KCNH1: variants seen among roughly 807,000 people sequenced by gnomAD.
KCNH1 encodes voltage-gated delayed rectifier potassium channel KCNH1.
A neutral mutation model predicts 69.2 loss-of-function variants in KCNH1; 27 were observed. That is an observed-to-expected ratio of 0.39 (90% CI 0.29 to 0.54). The LOEUF (loss-of-function observed/expected upper bound fraction) is 0.54. KCNH1 is among the 20% of genes least tolerant of loss of function. The probability of loss-of-function intolerance (pLI) is 0.68; values close to 1 mark genes in which losing one functional copy is unlikely to be tolerated. For synonymous variants in KCNH1, 456 were observed against 487.7 expected, an observed-to-expected ratio of 0.93 and a Z score of 0.86; for missense variants, 798 against 1,261.6, an observed-to-expected ratio of 0.63 and a Z score of 5.57.
intron 5 of KCNH1, among the ~76,000 whole-genome samples, chr1:211,024,623 T>C (rs549070782): frequency 1.3e-5 from 2 of 152,292 alleles, no homozygotes; most frequent in East Asian, 3.9e-4. Flanking sequence ...TGCATGTTTC[T>C]AAAAGATCAC....
chr1:211,129,899 T>A (rs1691846246), intron 1 of KCNH1, among the ~76,000 whole-genome samples: 1 of 152,244 alleles, frequency 6.6e-6, no homozygotes, highest in Admixed American at 6.5e-5. Context: ...CTCCTGCTAA[T>A]GTGCATGGAT....
chr1:211,078,657 G>A (rs1690783572), intron 5 of KCNH1, among the ~76,000 whole-genome samples: 1 of 152,112 alleles, frequency 6.6e-6, no homozygotes, highest in Admixed American at 6.6e-5. Flanking sequence ...ATGCCCACAA[G>A]AGGAAGCAGG....
chr1:210,887,052 A>C (rs1334207810), intron 7 of KCNH1, among the ~76,000 whole-genome samples: 1 of 152,112 alleles, frequency 6.6e-6, no homozygotes, highest in African/African-American at 2.4e-5. Flanking sequence ...GAGAACACCA[A>C]AAACATACTC....
At chr1:210,918,097 A>C (rs1687384871) in intron 7 of KCNH1, among the ~76,000 whole-genome samples, 1 of 152,194 alleles carries the variant, frequency 6.6e-6, no homozygotes, top group Admixed American at 6.5e-5. Flanking sequence ...GAGGGCTTTT[A>C]TGAAAGGACT....
intron 7 of KCNH1, chr1:210,862,404 T>C: frequency 1.7e-6 from 1 of 573,310 alleles, no homozygotes; most frequent in Non-Finnish European, 3.2e-6. Context: ...GGTGCAATCT[T>C]AACTCACTGT....
intron 3 of KCNH1, among the ~76,000 whole-genome samples, chr1:211,095,990 A>C (rs568630464): frequency 2.6e-5 from 4 of 152,214 alleles, no homozygotes; most frequent in Non-Finnish European, 5.9e-5. Context: ...TAACAGAGTT[A>C]CTTAAAATAA....
At chr1:210,936,161 G>A (rs1257743014) in intron 6 of KCNH1, among the ~76,000 whole-genome samples, 1 of 152,178 alleles carries the variant, frequency 6.6e-6, no homozygotes, top group Non-Finnish European at 1.5e-5. Context: ...CGCATCCATA[G>A]CAAATTCTGC....
At chr1:211,070,714 C>A (rs1006205499) in intron 5 of KCNH1, among the ~76,000 whole-genome samples, 4 of 150,938 alleles carry the variant, frequency 2.7e-5, no homozygotes, top group Non-Finnish European at 4.4e-5. Flanking sequence ...ATCCCAGCTA[C>A]AGGAGGCTGA....
chr1:210,788,886 CGG>C (rs1388368537), intron 9 of KCNH1, among the ~76,000 whole-genome samples: 1 of 148,622 alleles, frequency 6.7e-6, no homozygotes, highest in African/African-American at 2.6e-5. Context: ...TTAGTAGAGA[CGG>C]GGTTTCACCG....
chr1:210,809,566 C>A (rs1325364745), intron 7 of KCNH1, among the ~76,000 whole-genome samples: 1 of 152,092 alleles, frequency 6.6e-6, no homozygotes, highest in Non-Finnish European at 1.5e-5. Context: ...CCCCATGGGA[C>A]CCATGTTCAA....
intron 6 of KCNH1, among the ~76,000 whole-genome samples, chr1:210,991,015 A>G (rs1165313854): frequency 6.6e-6 from 1 of 152,196 alleles, no homozygotes; most frequent in Non-Finnish European, 1.5e-5. Context: ...TCCTTACTGT[A>G]TAAAATGATA....
intron 7 of KCNH1, among the ~76,000 whole-genome samples, chr1:210,834,967 T>C (rs771676435): frequency 2.6e-5 from 4 of 152,168 alleles, no homozygotes; most frequent in Admixed American, 6.6e-5. Flanking sequence ...CTACCTTGTA[T>C]GGCTGACAGA....
At chr1:210,730,578 T>G (rs1436326524) in intron 10 of KCNH1, among the ~76,000 whole-genome samples, 1 of 151,986 alleles carries the variant, frequency 6.6e-6, no homozygotes, top group African/African-American at 2.4e-5. Context: ...TTACCATTGC[T>G]TTTCCAGCTT....
rs143726953 is a variant in KCNH1, at chr1:210,886,106, C to T, written c.1462+33534G>A. Among the ~76,000 whole-genome samples, 434 of 152,324 alleles carry T rather than the reference C, an allele frequency of 2.8e-3. 1 individual carries two copies. Among genetic ancestry groups the T allele is most frequent in the African/African-American group, 9.0e-3 (376 of 41,582 alleles). The stretch of plus-strand genomic sequence containing the variant: ...CCCCATGCCTCCTGATGGGGAGACA[C>T]CTCCCAGCAGGGGTCCACAGACACC... On this transcript the variant is annotated intron_variant, in intron 7 of 10. Coordinates refer to ENST00000271751, the MANE Select transcript of KCNH1 (RefSeq NM_172362.3).
intron 5 of KCNH1, among the ~76,000 whole-genome samples, chr1:211,046,076 G>A (rs943755900): frequency 5.3e-5 from 8 of 151,934 alleles, no homozygotes; most frequent in African/African-American, 9.7e-5. Flanking sequence ...CTTTATTCAC[G>A]TAATATAACA....
intron 10 of KCNH1, among the ~76,000 whole-genome samples, chr1:210,709,285 TG>T (rs1284510403): frequency 6.6e-6 from 1 of 152,152 alleles, no homozygotes; most frequent in East Asian, 1.9e-4. Flanking sequence ...GACACAGATA[TG>T]CATACACGGA....
intron 6 of KCNH1, among the ~76,000 whole-genome samples, chr1:210,979,051 G>A (rs1485509261): frequency 6.6e-6 from 1 of 152,196 alleles, no homozygotes; most frequent in African/African-American, 2.4e-5. Context: ...TTCTAGAGAT[G>A]TTGGCCTTTC....
chr1:210,821,569 G>A (rs928818911), intron 7 of KCNH1, among the ~76,000 whole-genome samples: 2 of 152,046 alleles, frequency 1.3e-5, no homozygotes, highest in South Asian at 4.2e-4. Flanking sequence ...TGTAGTGGGT[G>A]AGCACATATT....
At chr1:211,073,876 A>G (rs1690687952) in intron 5 of KCNH1, among the ~76,000 whole-genome samples, 1 of 152,002 alleles carries the variant, frequency 6.6e-6, no homozygotes, top group Admixed American at 6.6e-5. Flanking sequence ...AATGAAATTG[A>G]AAACAAAAAG....
Sources: gnomAD v4.1 joint callset for allele counts (sites outside exome capture counted in the v4.1 genomes callset) on GRCh38, gnomAD v4.1.1 for gene constraint, MANE v1.5 for transcripts, NCBI Gene and HGNC (gene_info 2026-07-23, HGNC 2026-07-21) for gene names.